The following PDK3 variants were observed in gnomAD, a reference collection of about 807,000 sequenced individuals.
PDK3 encodes the protein pyruvate dehydrogenase kinase, isozyme 3.
PDK3 carries 12 observed loss-of-function variants against 32.0 expected under a neutral mutation model. The observed-to-expected ratio is 0.37, with a 90% CI of 0.24 to 0.61. PDK3 has a LOEUF of 0.61. Ranked by LOEUF, PDK3 falls within the 20% of genes least tolerant of loss-of-function variation. PDK3 has a pLI of 0.65. For missense variants in PDK3, 188 were observed against 316.9 expected (o/e 0.59, Z 3.09); for synonymous variants, 122 against 116.3 (o/e 1.05, Z -0.31).
intron 1 of PDK3, among the ~76,000 whole-genome samples, chrX:24,490,551 T>C (rs193049660): frequency 5.3e-3 from 589 of 111,750 alleles, no homozygotes; most frequent in Non-Finnish European, 9.0e-3. Flanking sequence ...ATATATTTGC[T>C]GCCACAACTC....
At chrX:24,473,192 G>A (rs1297929855) in intron 1 of PDK3, among the ~76,000 whole-genome samples, 2 of 105,850 alleles carry the variant, frequency 1.9e-5, no homozygotes, top group Non-Finnish European at 3.9e-5. Context: ...TGGCCAACGT[G>A]GTGAAACCCC....
At chrX:24,503,236 C>A in intron 3 of PDK3, 91 bp from the exon 4 acceptor site, 1 of 519,067 alleles carries the variant, frequency 1.9e-6, no homozygotes, top group Non-Finnish European at 3.0e-6. Context: ...AAAATACCAG[C>A]AGACAACTAG....
At chrX:24,518,853 AC>A in intron 5 of PDK3, 79 bp from the exon 6 acceptor site, 1 of 514,013 alleles carries the variant, frequency 1.9e-6, no homozygotes, top group Admixed American at 3.4e-5. Context: ...ACACACACAC[AC>A]ACACACACAC....
At chrX:24,507,498 C>T (rs935921056) in intron 5 of PDK3, among the ~76,000 whole-genome samples, 1 of 111,658 alleles carries the variant, frequency 9.0e-6, no homozygotes, top group East Asian at 2.8e-4. Flanking sequence ...TGGTAATTCA[C>T]CTATATTGTA....
chrX:24,490,399 G>A (rs1312648398), intron 1 of PDK3, among the ~76,000 whole-genome samples: 1 of 102,998 alleles, frequency 9.7e-6, no homozygotes, highest in African/African-American at 3.7e-5. Context: ...CATGAAGCTT[G>A]TGAATGCTCT....
At chrX:24,513,254 A>G (rs749837094) in intron 5 of PDK3, among the ~76,000 whole-genome samples, 3 of 111,510 alleles carry the variant, frequency 2.7e-5, no homozygotes, top group East Asian at 5.6e-4. Flanking sequence ...AAAAATCTCC[A>G]TTGGATCCCA....
chrX:24,477,028 A>C lies in PDK3; in HGVS notation c.106+11467A>C, dbSNP rs192524121. On this transcript the variant is annotated intron_variant, in intron 1 of 10. Coordinates refer to ENST00000379162, the MANE Select transcript of PDK3 (RefSeq NM_005391.5). The stretch of plus-strand genomic sequence containing the variant: ...TCTGTTTCTCCTGTATGCTAGTAAC[A>C]ATAAACTTTGACTATCTGGAGTGTG... 2.6e-3 allele frequency among the ~76,000 whole-genome samples: 288 copies of C among 112,278 alleles called. 1 individual carries two copies. Among genetic ancestry groups the C allele is most frequent in the African/African-American group, 8.5e-3 (263 of 30,900 alleles).
At chrX:24,537,333 A>G (rs1354577279), downstream of PDK3, among the ~76,000 whole-genome samples, 2 of 85,670 alleles carry the variant, frequency 2.3e-5, no homozygotes, top group Admixed American at 1.5e-4. Flanking sequence ...GGGTTTCGCC[A>G]TGTTGGCCAG....
intron 1 of PDK3, among the ~76,000 whole-genome samples, chrX:24,483,145 CAT>C (rs1465582120): frequency 1.8e-5 from 2 of 112,566 alleles, no homozygotes; most frequent in African/African-American, 6.5e-5. Flanking sequence ...TTCCAAGAAA[CAT>C]AGCACTTTCA....
downstream of PDK3, among the ~76,000 whole-genome samples, chrX:24,535,825 C>T (rs1282597251): frequency 9.3e-6 from 1 of 107,062 alleles, no homozygotes; most frequent in African/African-American, 3.4e-5. Flanking sequence ...GCTGGGATTA[C>T]AGGCGTGGGC....
downstream of PDK3, chrX:24,539,118 A>T: frequency 9.4e-7 from 1 of 1,064,831 alleles, no homozygotes; most frequent in Non-Finnish European, 1.3e-6. Context: ...GGATATTCTC[A>T]TTATTTTCTT....
chrX:24,503,853 T>A (rs1443880388), intron 4 of PDK3, among the ~76,000 whole-genome samples: 3 of 112,266 alleles, frequency 2.7e-5, no homozygotes, highest in Non-Finnish European at 5.6e-5. Flanking sequence ...TGTATTATTT[T>A]CTTTATCCAG....
At chrX:24,535,178 A>G (rs755827722), downstream of PDK3, among the ~76,000 whole-genome samples, 81 of 112,362 alleles carry the variant, frequency 7.2e-4, no homozygotes, top group African/African-American at 2.6e-3. Flanking sequence ...ATCCTGTATT[A>G]ACAAAAAAGC....
chrX:24,535,676 A>G (rs1412946120), downstream of PDK3, among the ~76,000 whole-genome samples: 1 of 110,045 alleles, frequency 9.1e-6, no homozygotes, highest in African/African-American at 3.3e-5. Context: ...TTTTTTTGCA[A>G]ATGAGATTAC....
chrX:24,468,590 C>G (rs775138392), intron 1 of PDK3, among the ~76,000 whole-genome samples: 2 of 112,065 alleles, frequency 1.8e-5, no homozygotes, highest in East Asian at 2.8e-4. Flanking sequence ...TTTAGGAGAT[C>G]CCCCTGTCAT....
At chrX:24,488,644 C>T (rs1395217748) in intron 1 of PDK3, among the ~76,000 whole-genome samples, 1 of 111,917 alleles carries the variant, frequency 8.9e-6, no homozygotes, top group Non-Finnish European at 1.9e-5. Flanking sequence ...ACTTGGTGAG[C>T]CAAGATTGCG....
chrX:24,478,409 G>A (rs1246312111), intron 1 of PDK3, among the ~76,000 whole-genome samples: 4 of 112,149 alleles, frequency 3.6e-5, no homozygotes, highest in African/African-American at 6.5e-5. Context: ...GCAGTGAGCC[G>A]AGATCGTGCC....
chrX:24,538,142 A>G (rs1370124679), downstream of PDK3, among the ~76,000 whole-genome samples: 1 of 112,481 alleles, frequency 8.9e-6, no homozygotes, highest in Non-Finnish European at 1.9e-5. Context: ...GCTTTAATTG[A>G]ATATTATTTT....
chrX:24,485,810 A>G (rs1313613133), intron 1 of PDK3, among the ~76,000 whole-genome samples: 1 of 111,482 alleles, frequency 9.0e-6, no homozygotes, highest in African/African-American at 3.3e-5. Context: ...AGAGCCCCAC[A>G]GGGCTCCCAG....
Sources: gnomAD v4.1 joint callset for allele counts (sites outside exome capture counted in the v4.1 genomes callset) on GRCh38, gnomAD v4.1.1 for gene constraint, MANE v1.5 for transcripts, NCBI Gene and HGNC (gene_info 2026-07-23, HGNC 2026-07-21) for gene names.